DRC1: variants seen among roughly 807,000 people sequenced by gnomAD.
DRC1 encodes dynein regulatory complex subunit 1, also known as dynein regulatory complex protein 1.
DRC1 carries 74 observed loss-of-function variants against 98.7 expected under a neutral mutation model. The ratio of observed to expected loss-of-function variants is 0.75; its 90% confidence interval spans 0.62 to 0.91. DRC1 has a LOEUF of 0.91. Among genes scored for constraint, DRC1 ranks in the 40% least tolerant of loss-of-function variants. The pLI, the probability that DRC1 is intolerant of heterozygous loss-of-function variation, is 0.00. For synonymous variants in DRC1, 336 were observed against 334.1 expected, an observed-to-expected ratio of 1.01 and a Z score of -0.06; for missense variants, 875 against 886.0, an observed-to-expected ratio of 0.99 and a Z score of 0.16.
intron 7 of DRC1, among the ~76,000 whole-genome samples, chr2:26,434,395 G>A (rs931267648): frequency 6.6e-6 from 1 of 152,172 alleles, no homozygotes; most frequent in South Asian, 2.1e-4. Flanking sequence ...GGAAGCAAAT[G>A]TTTTTATCTG....
chr2:26,402,972 C>T (rs1678300724), intron 1 of DRC1, among the ~76,000 whole-genome samples: 1 of 152,170 alleles, frequency 6.6e-6, no homozygotes, highest in East Asian at 1.9e-4. Context: ...TGCTCAATTG[C>T]CATTGTATTG....
Position 26,429,538 on chromosome 2 carries a change from A to G in DRC1, c.541-90A>G, listed in dbSNP as rs1663377433. 7 of 1,509,178 alleles carry G rather than the reference A, an allele frequency of 4.6e-6. No homozygotes were observed. In the East Asian group the frequency reaches 1.6e-4, roughly 34 times the overall value. 93.5% of individuals were successfully genotyped at this position (1,509,178 alleles called of 1,614,324 possible). On this transcript the variant is annotated intron_variant, in intron 4 of 16. Coordinates refer to ENST00000288710, the MANE Select transcript of DRC1 (RefSeq NM_145038.5). ...TACAGTTTCATGTCCTAACATTGAC[A>G]GATTCTGGTGAGAGGAGTCTAGAGA...
intron 2 of DRC1, among the ~76,000 whole-genome samples, chr2:26,417,653 A>G (rs1227554245): frequency 1.3e-5 from 2 of 152,218 alleles, no homozygotes; most frequent in East Asian, 3.8e-4. Flanking sequence ...CTTGACATAT[A>G]CATTTTAGAA....
chr2:26,421,953 G>A (rs554035722), intron 3 of DRC1, among the ~76,000 whole-genome samples: 5 of 152,284 alleles, frequency 3.3e-5, no homozygotes, highest in African/African-American at 7.2e-5. Context: ...CACGGCCTCT[G>A]TTTGTGGTAT....
At chr2:26,431,537 T>A (rs1663437082) in intron 6 of DRC1, among the ~76,000 whole-genome samples, 1 of 152,188 alleles carries the variant, frequency 6.6e-6, no homozygotes, top group Non-Finnish European at 1.5e-5. Flanking sequence ...AACAAATAAG[T>A]GACTTGACCA....
At chr2:26,430,504 C>G in intron 5 of DRC1, 1 of 536,286 alleles carries the variant, frequency 1.9e-6, no homozygotes, top group Non-Finnish European at 3.7e-6. Flanking sequence ...CCAACAGGGG[C>G]ACTGGCCTTC....
At chr2:26,433,159 G>GT (rs1279786263) in intron 7 of DRC1, among the ~76,000 whole-genome samples, 1 of 152,116 alleles carries the variant, frequency 6.6e-6, no homozygotes, top group Admixed American at 6.6e-5. Flanking sequence ...GGTTTCTAAA[G>GT]TTTTTTCCAA....
In DRC1 at chr2:26,444,772, A is replaced by G. The variant is rs1663808541; in HGVS notation, c.1220A>G (p.Glu407Gly). Reference protein sequence around the residue: ...KFWEIWLMNEEEAKDLIARAF... With the variant: ...KFWEIWLMNEGEAKDLIARAF... ...TGGGAGATTTGGCTGATGAATGAAG[A>G]GGAGGCGAAGGACCTAATAGCCAGA... Residue 407 changes from glutamate to glycine, a missense_variant, in exon 10 of 17, where the codon GAG (glutamate) becomes GGG (glycine). Transcript: ENST00000288710. The G allele has an allele frequency of 6.2e-7, 1 of 1,614,058 alleles. No homozygotes were observed. The highest frequency in any genetic ancestry group is 8.5e-7 in the Non-Finnish European group (1 of 1,180,046).
At position 26,429,252 on chromosome 2, in the gene DRC1, A is replaced by G. The variant is rs1448775930; in HGVS notation, c.541-376A>G. Among the ~76,000 whole-genome samples the G allele has an allele frequency of 4.0e-5, 6 of 151,338 alleles. No individual in the cohort carries two copies. The South Asian group carries it at 8.3e-4, about 21-fold the overall frequency. ...TATTATTGAGACAGGATCTTGCTCC[A>G]TCTCCCAGGCTGGTGTGCAGTGGTG... On this transcript the variant is annotated intron_variant, in intron 4 of 16. Transcript: ENST00000288710.
Position 26,429,695 on chromosome 2 carries a change from T to A in DRC1, c.608T>A (p.Leu203His). 6.2e-7 allele frequency: 1 copy of A among 1,614,172 alleles called. No homozygotes were observed. ...AAACAGTCAGATGACATCTGCCTGC[T>A]TCTGGAGCGGATGGAAGAACAGGTG... is the stretch of plus-strand genomic sequence containing the variant. Reference protein sequence around the residue: ...LKKQSDDICLLLERMEEQVKN... With the variant: ...LKKQSDDICLHLERMEEQVKN... Residue 203 changes from leucine to histidine, a missense_variant, in exon 5 of 17, where the codon CTT (leucine) becomes CAT (histidine). Transcript: ENST00000288710.
chr2:26,403,401 C>T lies in DRC1; in HGVS notation c.155+1257C>T, dbSNP rs182298674. On this transcript the variant is annotated intron_variant, in intron 1 of 16. Transcript: ENST00000288710. Reference sequence around the variant, plus strand: ...AGTATTATACCAAATATTTTTACTGCCCTAAAAATCCCCTGTGCTCTGCTT... The same window carrying T: ...AGTATTATACCAAATATTTTTACTGTCCTAAAAATCCCCTGTGCTCTGCTT... Among the ~76,000 whole-genome samples the T allele has an allele frequency of 3.7e-4, 56 of 152,202 alleles. No individual in the cohort carries two copies. The East Asian group carries it at 6.9e-3, about 19-fold the overall frequency.
At chr2:26,445,790 C>A (rs112848034) in intron 10 of DRC1, among the ~76,000 whole-genome samples, 100 of 152,186 alleles carry the variant, frequency 6.6e-4, no homozygotes, top group African/African-American at 2.3e-3. Context: ...TCCCGAGGAG[C>A]TGGGACTACA....
At chr2:26,453,261 C>T (rs1205504956) in intron 13 of DRC1, 59 bp from the exon 14 acceptor site, 30 of 1,579,088 alleles carry the variant, frequency 1.9e-5, no homozygotes, top group Non-Finnish European at 2.6e-5. Flanking sequence ...TCCTGCCTCT[C>T]TCTCCATGCT....
chr2:26,452,678 T>TA (rs1305932551), intron 13 of DRC1, among the ~76,000 whole-genome samples: 1 of 152,226 alleles, frequency 6.6e-6, no homozygotes, highest in Non-Finnish European at 1.5e-5. Flanking sequence ...ATATATGGTA[T>TA]GTCTACACGA....
At chr2:26,451,536 G>A (rs965515817) in intron 13 of DRC1, among the ~76,000 whole-genome samples, 4 of 152,168 alleles carry the variant, frequency 2.6e-5, no homozygotes, top group Non-Finnish European at 5.9e-5. Context: ...GCTGGGCTAG[G>A]CACAGTGGCT....
intron 12 of DRC1, 83 bp from the exon 13 acceptor site, chr2:26,450,509 T>C: frequency 7.8e-7 from 1 of 1,289,780 alleles, no homozygotes; most frequent in Non-Finnish European, 1.1e-6. Flanking sequence ...CCTCCCGCTC[T>C]TAGGAGCTGA....
chr2:26,414,264 A>G, intron 1 of DRC1, 80 bp from the exon 2 acceptor site: 1 of 1,434,264 alleles, frequency 7.0e-7, no homozygotes, highest in Non-Finnish European at 9.6e-7. Flanking sequence ...GGCATGAGCT[A>G]CTGTGCCAGG....
intron 7 of DRC1, among the ~76,000 whole-genome samples, chr2:26,436,222 A>G (rs1341524580): frequency 6.6e-6 from 1 of 151,406 alleles, no homozygotes; most frequent in Non-Finnish European, 1.5e-5. Context: ...ATGATTAGTG[A>G]TGCTGATCAT....
intron 8 of DRC1, among the ~76,000 whole-genome samples, chr2:26,443,889 G>T (rs1663783279): frequency 6.6e-6 from 1 of 152,132 alleles, no homozygotes; most frequent in South Asian, 2.1e-4. Flanking sequence ...ATTTAAATAT[G>T]TGAGGCTGGC....
Sources: gnomAD v4.1 joint callset for allele counts (sites outside exome capture counted in the v4.1 genomes callset) on GRCh38, gnomAD v4.1.1 for gene constraint, MANE v1.5 for transcripts, NCBI Gene and HGNC (gene_info 2026-07-23, HGNC 2026-07-21) for gene names.